Variants in FOXO3 observed in about 807,000 individuals in gnomAD.
FOXO3 encodes the protein forkhead box O3, also known as forkhead box protein O3.
A neutral mutation model predicts 41.9 loss-of-function variants in FOXO3; 4 were observed. That is an observed-to-expected ratio of 0.10 (90% CI 0.05 to 0.22). The LOEUF is 0.22. FOXO3 is among the 10% of genes least tolerant of loss of function. FOXO3 has a pLI of 1.00. For missense variants in FOXO3, 534 were observed against 906.8 expected (o/e 0.59, Z 5.28); for synonymous variants, 318 against 389.3 (o/e 0.82, Z 2.16).
chr6:108,588,707 T>C (rs1480836377), intron 1 of FOXO3, among the ~76,000 whole-genome samples: 1 of 152,178 alleles, frequency 6.6e-6, no homozygotes, highest in Non-Finnish European at 1.5e-5. Flanking sequence ...TGGGAAACAA[T>C]GGGCTGGGCC....
intron 2 of FOXO3, among the ~76,000 whole-genome samples, chr6:108,677,516 C>A (rs149778616): frequency 3.2e-4 from 49 of 152,316 alleles, no homozygotes; most frequent in Middle Eastern, 6.8e-3. Context: ...TCCCATTATG[C>A]ACTGGCTTCT....
intron 1 of FOXO3, among the ~76,000 whole-genome samples, chr6:108,659,583 C>T (rs561062687): frequency 1.3e-5 from 2 of 152,180 alleles, no homozygotes; most frequent in South Asian, 2.1e-4. Flanking sequence ...GGATTAGAGA[C>T]GATGAATCTA....
At chr6:108,577,886 C>G (rs932198891) in intron 1 of FOXO3, among the ~76,000 whole-genome samples, 5 of 152,166 alleles carry the variant, frequency 3.3e-5, no homozygotes, top group African/African-American at 1.2e-4. Flanking sequence ...ACTGGGGTCT[C>G]CTCTTCTTTA....
At chr6:108,645,699 C>T (rs1359174818) in intron 1 of FOXO3, among the ~76,000 whole-genome samples, 1 of 152,062 alleles carries the variant, frequency 6.6e-6, no homozygotes, top group East Asian at 1.9e-4. Context: ...TTTTAAAGTG[C>T]CTGATGACAC....
At chr6:108,589,534 G>A (rs938785083) in intron 1 of FOXO3, among the ~76,000 whole-genome samples, 6 of 152,240 alleles carry the variant, frequency 3.9e-5, no homozygotes, top group African/African-American at 1.4e-4. Context: ...TGTTCTTAGA[G>A]TGCATGCATT....
chr6:108,581,149 T>G (rs893781485), intron 1 of FOXO3, among the ~76,000 whole-genome samples: 1 of 152,168 alleles, frequency 6.6e-6, no homozygotes, highest in African/African-American at 2.4e-5. Flanking sequence ...AGTGGGTCAT[T>G]TGGGTCTAGT....
At chr6:108,629,993 G>A (rs770630863) in intron 1 of FOXO3, among the ~76,000 whole-genome samples, 1 of 152,102 alleles carries the variant, frequency 6.6e-6, no homozygotes, top group African/African-American at 2.4e-5. Flanking sequence ...GGTCATCCTC[G>A]AAGGTCTTAA....
At chr6:108,570,804 A>G (rs1776078991) in intron 1 of FOXO3, among the ~76,000 whole-genome samples, 1 of 152,222 alleles carries the variant, frequency 6.6e-6, no homozygotes, top group South Asian at 2.1e-4. Flanking sequence ...GAACTCTGAT[A>G]TATAGTGTTT....
In FOXO3 at chr6:108,684,459, C is replaced by T. The variant is rs1770987828; in HGVS notation, c.*4667C>T. ...AATATGGTGTGTGGCCATATTTAAA[C>T]ACCTGAGAGTCAAGCAGTTGAGACT... On this transcript the variant is annotated 3_prime_UTR_variant, in exon 3 of 3. Coordinates refer to ENST00000406360, the MANE Select transcript of FOXO3 (RefSeq NM_001455.4). The T allele has an allele frequency of 6.6e-6, 1 of 152,244 alleles. No individual in the cohort carries two copies. Among genetic ancestry groups the T allele is most frequent in the Non-Finnish European group, 1.5e-5 (1 of 68,032 alleles). The allele number at this position is 152,244 out of a possible 1,614,324, so 9.4% of individuals were successfully genotyped here. A position where few individuals can be genotyped will look rare whatever the true frequency, so the allele number is the denominator to read the frequency against.
intron 2 of FOXO3, among the ~76,000 whole-genome samples, chr6:108,676,453 G>A (rs1305343729): frequency 6.6e-6 from 1 of 152,000 alleles, no homozygotes; most frequent in African/African-American, 2.4e-5. Flanking sequence ...TGTTGCCCAG[G>A]GTGGTCTCCA....
intron 1 of FOXO3, among the ~76,000 whole-genome samples, chr6:108,587,731 T>G (rs1776621597): frequency 6.6e-6 from 1 of 152,226 alleles, no homozygotes; most frequent in Non-Finnish European, 1.5e-5. Flanking sequence ...GGCAAAATGT[T>G]TAATTTTTCT....
chr6:108,618,264 C>T, intron 1 of FOXO3: 1 of 759,850 alleles, frequency 1.3e-6, no homozygotes, highest in Non-Finnish European at 2.4e-6. Flanking sequence ...TTGACTCCTT[C>T]CTGGGGCTTT....
chr6:108,609,571 G>A (rs1224067205), intron 1 of FOXO3, among the ~76,000 whole-genome samples: 1 of 152,182 alleles, frequency 6.6e-6, no homozygotes, highest in Non-Finnish European at 1.5e-5. Context: ...AGGTGGTATT[G>A]TTAAGAAGGG....
intron 1 of FOXO3, among the ~76,000 whole-genome samples, chr6:108,567,364 G>T (rs1775975154): frequency 6.6e-6 from 1 of 152,184 alleles, no homozygotes. Context: ...GGATTAGATA[G>T]AGCACATCTT....
intron 1 of FOXO3, among the ~76,000 whole-genome samples, chr6:108,595,092 C>T (rs529574330): frequency 3.3e-5 from 5 of 152,240 alleles, no homozygotes; most frequent in African/African-American, 9.6e-5. Flanking sequence ...AGATTTTTCC[C>T]TCCCAGGTGT....
At chr6:108,624,799 C>CT (rs887192657) in intron 1 of FOXO3, among the ~76,000 whole-genome samples, 24 of 151,214 alleles carry the variant, frequency 1.6e-4, no homozygotes, top group East Asian at 3.9e-4. Flanking sequence ...AGTTGTTTAA[C>CT]TTTTTTTTTA....
intron 1 of FOXO3, among the ~76,000 whole-genome samples, chr6:108,630,751 G>A (rs375828838): frequency 1.3e-4 from 20 of 152,036 alleles, no homozygotes; most frequent in African/African-American, 4.1e-4. Flanking sequence ...AACATGTTTT[G>A]CTTTAAGTAT....
chr6:108,650,001 C>G (rs1046727191), intron 1 of FOXO3, among the ~76,000 whole-genome samples: 4 of 151,988 alleles, frequency 2.6e-5, no homozygotes, highest in Non-Finnish European at 5.9e-5. Flanking sequence ...AGTACCTGAT[C>G]GTATTATGAG....
chr6:108,627,408 G>A (rs929434762), intron 1 of FOXO3, among the ~76,000 whole-genome samples: 16 of 152,064 alleles, frequency 1.1e-4, no homozygotes, highest in Non-Finnish European at 1.9e-4. Flanking sequence ...GTCCTCAAGA[G>A]TATCCAGTCT....
Sources: allele counts gnomAD v4.1 joint callset (sites outside exome capture counted in the v4.1 genomes callset), GRCh38; gene constraint gnomAD v4.1.1; transcripts MANE v1.5; gene names NCBI Gene and HGNC (gene_info 2026-07-23, HGNC 2026-07-21).